Variants in PRKCA observed in about 807,000 individuals in gnomAD.
The protein encoded by PRKCA is protein kinase C alpha type.
A neutral mutation model predicts 87.0 loss-of-function variants in PRKCA; 27 were observed. The observed-to-expected ratio is 0.31, with a 90% CI of 0.23 to 0.43. The LOEUF is 0.43. Ranked by LOEUF, PRKCA falls within the 20% of genes least tolerant of loss-of-function variation. PRKCA has a pLI of 1.00. For synonymous variants in PRKCA, 329 were observed against 311.1 expected (o/e 1.06, Z -0.61); for missense variants, 518 against 852.3 (o/e 0.61, Z 4.88).
chr17:66,363,076 A>G (rs1040303376), intron 2 of PRKCA, among the ~76,000 whole-genome samples: 1 of 152,164 alleles, frequency 6.6e-6, no homozygotes, highest in African/African-American at 2.4e-5. Context: ...CCTGTTGGAG[A>G]AAGTTTTAAA....
chr17:66,741,855 C>G (rs1974165660), intron 12 of PRKCA, 134 bp downstream of exon 12: 6 of 763,970 alleles, frequency 7.9e-6, no homozygotes, highest in Non-Finnish European at 1.2e-5. Flanking sequence ...CTGCTGGGAC[C>G]CACCTTCCTC....
chr17:66,804,057 A>C lies in PRKCA; in HGVS notation c.*20A>C, dbSNP rs1432524340. On this transcript the variant is annotated 3_prime_UTR_variant, in exon 17 of 17. Coordinates refer to ENST00000413366, the MANE Select transcript of PRKCA (RefSeq NM_002737.3). ...GTATGAAACTCACCAGCGAGAACAA[A>C]CACCTCCCCAGCCCCCAGCCCTCCC... 1 of 1,592,360 alleles carries C rather than the reference A, an allele frequency of 6.3e-7. No homozygotes were observed.
intron 3 of PRKCA, among the ~76,000 whole-genome samples, chr17:66,593,821 C>T (rs564550781): frequency 2.0e-5 from 3 of 152,246 alleles, no homozygotes; most frequent in Admixed American, 6.5e-5. Context: ...TGGGGGCCCA[C>T]GCCTGTAATC....
chr17:66,801,544 A>G (rs1223956839), intron 16 of PRKCA, among the ~76,000 whole-genome samples: 1 of 152,232 alleles, frequency 6.6e-6, no homozygotes, highest in Non-Finnish European at 1.5e-5. Flanking sequence ...ATTAATTTCT[A>G]GGAAGAAACA....
At chr17:66,578,893 G>C (rs1393402712) in intron 3 of PRKCA, among the ~76,000 whole-genome samples, 1 of 152,208 alleles carries the variant, frequency 6.6e-6, no homozygotes, top group African/African-American at 2.4e-5. Flanking sequence ...TCGACCTGTG[G>C]GTGGCTCCCC....
chr17:66,562,133 TAAATTATATATA>T (rs1968716767), intron 3 of PRKCA, among the ~76,000 whole-genome samples: 8 of 34,448 alleles, frequency 2.3e-4, no homozygotes, highest in Admixed American at 6.7e-4. Context: ...TATATATAAT[TAAATTATATATA>T]TAATTAAATT....
At position 66,792,276 on chromosome 17, in the gene PRKCA, T is replaced by C. The variant is rs1387634309; in HGVS notation, c.1854+3297T>C. 6.6e-6 allele frequency among the ~76,000 whole-genome samples: 1 copy of C among 152,252 alleles called. No individual in the cohort carries two copies. On this transcript the variant is annotated intron_variant, in intron 16 of 16. Transcript: ENST00000413366. The surrounding 1 kb of genome is among the most constrained non-coding windows in gnomAD (Gnocchi z 4.5). ...ACCTTTGCTTACTACCAAATACCAG[T>C]AGCGGGACTTCAGGTTCTCACAGTT...
At chr17:66,320,053 A>G (rs1567770132) in intron 2 of PRKCA, among the ~76,000 whole-genome samples, 1 of 152,110 alleles carries the variant, frequency 6.6e-6, no homozygotes, top group East Asian at 1.9e-4. Context: ...CTCTTAATTC[A>G]TATACATTTA....
chr17:66,615,731 A>C (rs1253550626), intron 3 of PRKCA, among the ~76,000 whole-genome samples: 4 of 152,136 alleles, frequency 2.6e-5, no homozygotes, highest in African/African-American at 7.2e-5. Context: ...TGTGCAGTGA[A>C]AAGGGCATTC....
intron 2 of PRKCA, among the ~76,000 whole-genome samples, chr17:66,353,108 A>G (rs1169260053): frequency 6.6e-6 from 1 of 151,230 alleles, no homozygotes; most frequent in Non-Finnish European, 1.5e-5. Context: ...CCAGAGATCT[A>G]CTACACAGCT....
At chr17:66,428,823 G>GGCT (rs2143823368) in intron 2 of PRKCA, among the ~76,000 whole-genome samples, 1 of 152,230 alleles carries the variant, frequency 6.6e-6, no homozygotes, top group African/African-American at 2.4e-5. Context: ...TGAAGGAGAA[G>GGCT]GCTGCTACTC....
At chr17:66,315,905 A>G (rs1241747062) in intron 2 of PRKCA, among the ~76,000 whole-genome samples, 1 of 152,224 alleles carries the variant, frequency 6.6e-6, no homozygotes, top group Non-Finnish European at 1.5e-5. Context: ...AGGACAGAAG[A>G]CATATATGAA....
In PRKCA at chr17:66,483,855, A is replaced by G. The variant is rs954742781; in HGVS notation, c.206-12346A>G. Among the ~76,000 whole-genome samples, 14 of 152,120 alleles carry G rather than the reference A, an allele frequency of 9.2e-5. 1 individual carries two copies. Among genetic ancestry groups the G allele is most frequent in the Admixed American group, 6.6e-5 (1 of 15,262 alleles). The stretch of plus-strand genomic sequence containing the variant: ...CATCTTCTCTAATTATATCTGCAGC[A>G]GCCCTTTTTCCAAGTCAGATCACAT... On this transcript the variant is annotated intron_variant, in intron 2 of 16. Transcript: ENST00000413366.
intron 15 of PRKCA, among the ~76,000 whole-genome samples, chr17:66,787,733 C>T (rs1227289280): frequency 2.0e-5 from 3 of 152,040 alleles, no homozygotes; most frequent in Non-Finnish European, 4.4e-5. Context: ...GATAACCTGC[C>T]CCCCAACTTT....
At chr17:66,665,847 T>C (rs1295689122) in intron 5 of PRKCA, among the ~76,000 whole-genome samples, 2 of 152,192 alleles carry the variant, frequency 1.3e-5, no homozygotes, top group African/African-American at 4.8e-5. Flanking sequence ...TTATTAAAAC[T>C]AGAGTTCTTC....
intron 5 of PRKCA, among the ~76,000 whole-genome samples, chr17:66,653,556 A>C (rs1316636758): frequency 2.0e-5 from 3 of 152,206 alleles, no homozygotes; most frequent in East Asian, 3.8e-4. Context: ...GCGCCACTGC[A>C]TGCCAGCCTA....
chr17:66,323,932 T>A (rs1405914857), intron 2 of PRKCA, among the ~76,000 whole-genome samples: 2 of 151,902 alleles, frequency 1.3e-5, no homozygotes, highest in Admixed American at 1.3e-4. Flanking sequence ...CACAGCAAGA[T>A]TCTGACTCAA....
At chr17:66,534,382 A>G (rs1567881828) in intron 3 of PRKCA, among the ~76,000 whole-genome samples, 1 of 151,848 alleles carries the variant, frequency 6.6e-6, no homozygotes, top group South Asian at 2.1e-4. Context: ...TCACATGTTG[A>G]TTGGGCTGGG....
At chr17:66,669,744 T>C (rs1409194315) in intron 5 of PRKCA, among the ~76,000 whole-genome samples, 1 of 151,938 alleles carries the variant, frequency 6.6e-6, no homozygotes, top group Non-Finnish European at 1.5e-5. Context: ...CTACTAAAAA[T>C]ACAAAAAATT....
Sources: gnomAD v4.1 joint callset for allele counts (sites outside exome capture counted in the v4.1 genomes callset) on GRCh38, gnomAD v4.1.1 for gene constraint, Gnocchi (gnomAD v3.1) non-coding constraint, MANE v1.5 for transcripts, NCBI Gene and HGNC (gene_info 2026-07-23, HGNC 2026-07-21) for gene names.